DNAH9: variants seen among roughly 807,000 people sequenced by gnomAD.
The protein encoded by DNAH9 is dynein axonemal heavy chain 9.
A neutral mutation model predicts 471.6 loss-of-function variants in DNAH9; 345 were observed. The observed-to-expected ratio is 0.73, with a 90% CI of 0.67 to 0.80. The LOEUF (loss-of-function observed/expected upper bound fraction) is 0.80, where lower values mean the gene tolerates loss of function less well. DNAH9 is among the 30% of genes least tolerant of loss of function. DNAH9 has a pLI of 0.00. For synonymous variants in DNAH9, 2,093 were observed against 2,123.6 expected (o/e 0.99, Z 0.40); for missense variants, 5,407 against 5,609.2 (o/e 0.96, Z 1.15).
At chr17:11,680,621 T>C (rs1034843017) in intron 18 of DNAH9, 102 bp from the exon 19 acceptor site, 1 of 967,086 alleles carries the variant, frequency 1.0e-6, no homozygotes, top group Non-Finnish European at 1.6e-6. Flanking sequence ...CATTGTACCA[T>C]CTTGTAGCAC....
intron 22 of DNAH9, among the ~76,000 whole-genome samples, chr17:11,698,291 T>G (rs933420587): frequency 1.3e-4 from 17 of 134,848 alleles, no homozygotes; most frequent in Non-Finnish European, 2.3e-4. Flanking sequence ...ATATTAATAA[T>G]TATATATTAG....
At chr17:11,621,037 C>A in intron 6 of DNAH9, among the ~76,000 whole-genome samples, 1 of 152,046 alleles carries the variant, frequency 6.6e-6, no homozygotes, top group Admixed American at 6.6e-5. Context: ...GCTGATTGGA[C>A]TTGGAAGGGA....
chr17:11,889,893 C>A (rs1972997570), intron 57 of DNAH9, among the ~76,000 whole-genome samples: 1 of 152,126 alleles, frequency 6.6e-6, no homozygotes, highest in Non-Finnish European at 1.5e-5. Flanking sequence ...GAGAAGGGAC[C>A]TTCTGGAGGA....
Position 11,598,942 on chromosome 17 carries a change from G to C in DNAH9, c.417+27G>C, listed in dbSNP as rs79807453. On this transcript the variant is annotated intron_variant, in intron 1 of 68. Transcript: ENST00000262442. ...TGAGGGTGGGTTAGTGTCCCCGCGC[G>C]GCTAAAGCTGGGTGGGGGAGGGGAG... The C allele has an allele frequency of 3.0e-3, 4,288 of 1,445,004 alleles. 139 individuals are homozygous for C. In the African/African-American group the frequency reaches 0.056, roughly 19 times the overall value. 89.5% of individuals were successfully genotyped at this position (1,445,004 alleles called of 1,614,324 possible). A position where few individuals can be genotyped will look rare whatever the true frequency, so the allele number is the denominator to read the frequency against.
At chr17:11,724,907 GTCT>G (rs1567751293) in intron 27 of DNAH9, among the ~76,000 whole-genome samples, 1 of 152,134 alleles carries the variant, frequency 6.6e-6, no homozygotes, top group Admixed American at 6.5e-5. Flanking sequence ...GGGGGCCCTG[GTCT>G]TCTCTTCCTT....
rs2074316140 is a variant in DNAH9, at chr17:11,690,449, G to A, written c.4614+13G>A. ...ACAGCTACCCCAGGTACCTGCTAAG[G>A]AAATCTAGAATCTCTCTATTCTCTG... On this transcript the variant is annotated intron_variant, in intron 20 of 68. Coordinates refer to ENST00000262442, the MANE Select transcript of DNAH9 (RefSeq NM_001372.4). The A allele has an allele frequency of 6.2e-7, 1 of 1,607,924 alleles. No individual in the cohort carries two copies. The highest frequency in any genetic ancestry group is 2.2e-5 in the East Asian group (1 of 44,810).
chr17:11,627,202 T>C (rs1471604175), intron 6 of DNAH9, among the ~76,000 whole-genome samples: 1 of 152,168 alleles, frequency 6.6e-6, no homozygotes, highest in Non-Finnish European at 1.5e-5. Flanking sequence ...AATGTAAGTA[T>C]CTATCTTTTT....
intron 50 of DNAH9, 108 bp from the exon 51 acceptor site, chr17:11,869,026 C>T (rs560497963): frequency 2.1e-5 from 28 of 1,347,956 alleles, no homozygotes; most frequent in East Asian, 4.8e-5. Context: ...GGAATGCCCC[C>T]GCAGAGTGCT....
At chr17:11,653,594 C>T (rs371459766) in intron 14 of DNAH9, among the ~76,000 whole-genome samples, 7 of 152,286 alleles carry the variant, frequency 4.6e-5, no homozygotes, top group East Asian at 3.9e-4. Flanking sequence ...TCCAGCCCTA[C>T]GCAAGTAGCT....
intron 1 of DNAH9, among the ~76,000 whole-genome samples, chr17:11,606,096 A>T (rs1288999572): frequency 6.6e-6 from 1 of 152,176 alleles, no homozygotes; most frequent in Non-Finnish European, 1.5e-5. Flanking sequence ...CATGAATGTG[A>T]TAAAGCTTAA....
In DNAH9 at chr17:11,598,490, C is replaced by G. The variant is rs2150618209; in HGVS notation, c.-9C>G. On this transcript the variant is annotated 5_prime_UTR_variant, in exon 1 of 69. Coordinates refer to ENST00000262442, the MANE Select transcript of DNAH9 (RefSeq NM_001372.4). ...CTAGGGAAACCGATGCAGCTGGAGGCCGCGCGCGATGCGGCTCGCGGAGGA... is the reference window on the plus strand; with the variant it reads ...CTAGGGAAACCGATGCAGCTGGAGGGCGCGCGCGATGCGGCTCGCGGAGGA... The G allele has an allele frequency of 1.5e-6, 2 of 1,365,364 alleles. No homozygotes were observed. The highest frequency in any genetic ancestry group is 6.1e-5 in the East Asian group (2 of 32,984). The allele number at this position is 1,365,364 out of a possible 1,614,324, so 84.6% of individuals were successfully genotyped here.
chr17:11,762,757 CGTTTTTTTTTTT>C (rs1567783068), intron 35 of DNAH9, among the ~76,000 whole-genome samples: 1 of 55,946 alleles, frequency 1.8e-5, no homozygotes, highest in Non-Finnish European at 4.6e-5. Flanking sequence ...TCTTTAGGTG[CGTTTTTTTTTTT>C]GTTTTTTTTT....
Position 11,749,073 on chromosome 17 carries a change from TG to T in DNAH9, c.6610+1308del, listed in dbSNP as rs1444480427. Among the ~76,000 whole-genome samples the T allele has an allele frequency of 8.9e-3, 315 of 35,524 alleles. 8 individuals carry two copies. The highest frequency in any genetic ancestry group is 0.018 in the Middle Eastern group (1 of 56). The allele number at this position is 35,524 out of a possible 152,430, so 23.3% of individuals were successfully genotyped here. A position where few individuals can be genotyped will look rare whatever the true frequency, so the allele number is the denominator to read the frequency against. ...ACCAATTTTTAAGAGGGTTTTTTTT[TG>T]TTTTTTTTTTTGTTTTTTTTTTTTT... On this transcript the variant is annotated intron_variant, in intron 32 of 68. Transcript: ENST00000262442.
intron 14 of DNAH9, among the ~76,000 whole-genome samples, chr17:11,663,312 C>T (rs1406978932): frequency 1.3e-5 from 2 of 152,206 alleles, no homozygotes; most frequent in Non-Finnish European, 2.9e-5. Flanking sequence ...TCAAGAGGAG[C>T]CAGCCCCGAC....
At chr17:11,957,772 T>C (rs1555529852) in intron 67 of DNAH9, among the ~76,000 whole-genome samples, 2 of 152,188 alleles carry the variant, frequency 1.3e-5, no homozygotes, top group Non-Finnish European at 2.9e-5. Context: ...TTGAAATGTT[T>C]TGTGTCTTGA....
intron 53 of DNAH9, among the ~76,000 whole-genome samples, chr17:11,877,057 G>A (rs1972516437): frequency 2.0e-5 from 3 of 151,862 alleles, no homozygotes; most frequent in Non-Finnish European, 4.4e-5. Context: ...AATGGATGAT[G>A]GTGATGGATG....
At chr17:11,870,483 C>T (rs1327112073) in intron 51 of DNAH9, among the ~76,000 whole-genome samples, 1 of 152,178 alleles carries the variant, frequency 6.6e-6, no homozygotes, top group African/African-American at 2.4e-5. Flanking sequence ...ATCTGGGGAA[C>T]AGTGAGTCAT....
intron 44 of DNAH9, among the ~76,000 whole-genome samples, chr17:11,809,355 G>C (rs1969803962): frequency 6.6e-6 from 1 of 152,048 alleles, no homozygotes; most frequent in African/African-American, 2.4e-5. Context: ...CACGAGGTCA[G>C]GAGATCGAAA....
At chr17:11,844,051 A>G (rs1322879641) in intron 49 of DNAH9, among the ~76,000 whole-genome samples, 1 of 151,092 alleles carries the variant, frequency 6.6e-6, no homozygotes, top group Non-Finnish European at 1.5e-5. Context: ...TAATAAATGG[A>G]CAAAACAGTA....
Sources: gnomAD v4.1 joint callset for allele counts (sites outside exome capture counted in the v4.1 genomes callset) on GRCh38, gnomAD v4.1.1 for gene constraint, MANE v1.5 for transcripts, NCBI Gene and HGNC (gene_info 2026-07-23, HGNC 2026-07-21) for gene names.